WWOX: variants seen among roughly 807,000 people sequenced by gnomAD.
WWOX encodes WW domain-containing oxidoreductase.
WWOX carries 69 observed loss-of-function variants against 46.2 expected under a neutral mutation model. The observed-to-expected ratio is 1.49, with a 90% CI of 1.23 to 1.82. The LOEUF (loss-of-function observed/expected upper bound fraction) is 1.82. WWOX is among the 40% of genes most tolerant of loss of function. The pLI is 0.00. For missense variants in WWOX, 919 were observed against 542.6 expected (o/e 1.69, Z -6.89); for synonymous variants, 359 against 202.6 (o/e 1.77, Z -6.56).
At chr16:78,996,223 TAGA>T in intron 8 of WWOX, 2 of 985,238 alleles carry the variant, frequency 2.0e-6, no homozygotes, top group Non-Finnish European at 2.4e-6. Context: ...GACTTGTGGA[TAGA>T]AGAAGTAACC....
chr16:78,635,042 C>A (rs1247681483), intron 8 of WWOX, among the ~76,000 whole-genome samples: 2 of 152,110 alleles, frequency 1.3e-5, no homozygotes, highest in Non-Finnish European at 2.9e-5. Flanking sequence ...CTGACGGCTT[C>A]CCTGCGGGAC....
chr16:78,938,401 G>T lies in WWOX; in HGVS notation c.1057-273207G>T, dbSNP rs568800355. Among the ~76,000 whole-genome samples, 116 of 152,120 alleles carry T rather than the reference G, an allele frequency of 7.6e-4. 3 individuals carry two copies. Among genetic ancestry groups the T allele is most frequent in the Non-Finnish European group, 1.2e-3 (83 of 68,010 alleles). On this transcript the variant is annotated intron_variant, in intron 8 of 8. Transcript: ENST00000566780. Reference sequence around the variant, plus strand: ...GATGGTGATATTTATCAAGTGCAGAGGCCCAGACACAGAGAGCTTGAGGAC... The same window carrying T: ...GATGGTGATATTTATCAAGTGCAGATGCCCAGACACAGAGAGCTTGAGGAC...
At chr16:79,163,712 C>T (rs1344470841) in intron 8 of WWOX, among the ~76,000 whole-genome samples, 1 of 148,900 alleles carries the variant, frequency 6.7e-6, no homozygotes, top group Admixed American at 6.7e-5. Context: ...GCAGGAGAAT[C>T]ACTGGAACTG....
At chr16:78,684,488 AC>A (rs1394988025) in intron 8 of WWOX, among the ~76,000 whole-genome samples, 1 of 152,022 alleles carries the variant, frequency 6.6e-6, no homozygotes, top group Non-Finnish European at 1.5e-5. Flanking sequence ...TCTCCACCCC[AC>A]CCATTTGCAG....
chr16:78,723,631 T>TC, intron 8 of WWOX, among the ~76,000 whole-genome samples: 1 of 140,850 alleles, frequency 7.1e-6, no homozygotes, highest in African/African-American at 3.0e-5. Flanking sequence ...TCTTTTCTTT[T>TC]TTCTTTTCTT....
chr16:78,405,344 C>T (rs2082503601), intron 6 of WWOX, among the ~76,000 whole-genome samples: 1 of 152,032 alleles, frequency 6.6e-6, no homozygotes, highest in Non-Finnish European at 1.5e-5. Context: ...TTAAATGTGG[C>T]TAGGTTATCT....
chr16:78,656,002 C>T (rs893076278), intron 8 of WWOX, among the ~76,000 whole-genome samples: 3 of 152,076 alleles, frequency 2.0e-5, no homozygotes, highest in African/African-American at 7.2e-5. Context: ...AGAAACACAA[C>T]ATTGAGTGAG....
chr16:78,950,075 A>G (rs2046027876), intron 8 of WWOX, among the ~76,000 whole-genome samples: 1 of 152,220 alleles, frequency 6.6e-6, no homozygotes, highest in South Asian at 2.1e-4. Flanking sequence ...GGGCGATGAT[A>G]CCAGAGACCA....
At chr16:79,211,032 G>GTGTGTGT (rs755105354) in intron 8 of WWOX, among the ~76,000 whole-genome samples, 1 of 30,442 alleles carries the variant, frequency 3.3e-5, no homozygotes, top group Non-Finnish European at 7.0e-5. Context: ...TGTATGGTGA[G>GTGTGTGT]GAGTGTGTGT....
intron 5 of WWOX, among the ~76,000 whole-genome samples, chr16:78,334,928 A>AAG (rs2080851844): frequency 6.8e-6 from 1 of 147,976 alleles, no homozygotes; most frequent in South Asian, 2.1e-4. Context: ...TTTTTTTAAA[A>AAG]AAAAAAAAAA....
At chr16:78,805,339 C>T (rs1044394109) in intron 8 of WWOX, among the ~76,000 whole-genome samples, 1 of 152,152 alleles carries the variant, frequency 6.6e-6, no homozygotes, top group Non-Finnish European at 1.5e-5. Flanking sequence ...CGGCTCACTG[C>T]AAGCTCCGCC....
At chr16:78,582,349 T>A (rs1292709875) in intron 8 of WWOX, among the ~76,000 whole-genome samples, 1 of 152,218 alleles carries the variant, frequency 6.6e-6, no homozygotes, top group East Asian at 1.9e-4. Flanking sequence ...GTTAATTGTA[T>A]TAATTTAGAC....
chr16:79,074,159 A>C (rs62040131), intron 8 of WWOX, among the ~76,000 whole-genome samples: 16,655 of 152,034 alleles, frequency 0.11, 975 homozygotes, highest in South Asian at 0.18. Flanking sequence ...CGAGCAGGCA[A>C]CTCCGACCCC....
At chr16:79,130,899 A>G (rs963774474) in intron 8 of WWOX, among the ~76,000 whole-genome samples, 2 of 152,156 alleles carry the variant, frequency 1.3e-5, no homozygotes, top group African/African-American at 2.4e-5. Context: ...TTGAAATAGA[A>G]AAGGGGGAAA....
intron 8 of WWOX, among the ~76,000 whole-genome samples, chr16:79,030,003 G>A (rs2047722010): frequency 6.6e-6 from 1 of 152,142 alleles, no homozygotes; most frequent in South Asian, 2.1e-4. Flanking sequence ...TATGAACTCT[G>A]ATGAGCTCTG....
intron 8 of WWOX, among the ~76,000 whole-genome samples, chr16:78,818,790 A>T (rs529775385): frequency 1.3e-5 from 2 of 152,320 alleles, no homozygotes; most frequent in African/African-American, 4.8e-5. Flanking sequence ...TCTTTTCTGA[A>T]TTGGAGCCAG....
intron 8 of WWOX, among the ~76,000 whole-genome samples, chr16:78,721,163 A>C (rs1266324959): frequency 1.3e-5 from 2 of 152,232 alleles, no homozygotes; most frequent in Non-Finnish European, 2.9e-5. Flanking sequence ...GATATGTCCC[A>C]CAATTGGCAA....
chr16:78,943,349 G>C (rs908168418), intron 8 of WWOX, among the ~76,000 whole-genome samples: 3 of 152,104 alleles, frequency 2.0e-5, no homozygotes, highest in African/African-American at 7.2e-5. Flanking sequence ...TGGCATTCAA[G>C]ATTACACTCT....
intron 8 of WWOX, among the ~76,000 whole-genome samples, chr16:78,482,978 G>A (rs1047847952): frequency 5.9e-5 from 9 of 152,128 alleles, no homozygotes; most frequent in African/African-American, 2.2e-4. Flanking sequence ...ATCTATGCAT[G>A]TTGTGGGCCC....
Sources: gnomAD v4.1 joint callset for allele counts (sites outside exome capture counted in the v4.1 genomes callset) on GRCh38, gnomAD v4.1.1 for gene constraint, MANE v1.5 for transcripts, NCBI Gene and HGNC (gene_info 2026-07-23, HGNC 2026-07-21) for gene names.